The following CRYBA1 variants were observed in gnomAD, a reference collection of about 807,000 sequenced individuals.
The protein encoded by CRYBA1 is beta-crystallin A3.
CRYBA1 carries 25 observed loss-of-function variants against 36.2 expected under a neutral mutation model. The observed-to-expected ratio is 0.69, with a 90% CI of 0.50 to 0.97. The LOEUF (loss-of-function observed/expected upper bound fraction) is 0.97, where lower values mean the gene tolerates loss of function less well. CRYBA1 is among the 50% of genes least tolerant of loss of function. CRYBA1 has a pLI of 0.00. For synonymous variants in CRYBA1, 111 were observed against 90.0 expected (o/e 1.23, Z -1.32); for missense variants, 224 against 276.3 (o/e 0.81, Z 1.34).
chr17:29,249,125 T>A lies in CRYBA1; in HGVS notation c.32-17T>A. On this transcript the variant is annotated splice_polypyrimidine_tract_variant and intron_variant, in intron 1 of 5. Coordinates refer to ENST00000225387, the MANE Select transcript of CRYBA1 (RefSeq NM_005208.5). Reference sequence around the variant, plus strand: ...CTCCCAAGAGGCCACATCATTCGTGTGTGCTCTGTCTTCCAGAAACCCTTC... The same window carrying A: ...CTCCCAAGAGGCCACATCATTCGTGAGTGCTCTGTCTTCCAGAAACCCTTC... The A allele has an allele frequency of 6.3e-7, 1 of 1,587,042 alleles. No individual in the cohort carries two copies. The highest frequency in any genetic ancestry group is 8.7e-7 in the Non-Finnish European group (1 of 1,155,294).
chr17:29,248,064 C>G (rs959305835), intron 1 of CRYBA1, among the ~76,000 whole-genome samples: 6 of 150,874 alleles, frequency 4.0e-5, no homozygotes, highest in Non-Finnish European at 7.4e-5. Flanking sequence ...TGCGGTGAGC[C>G]GAGATTGCGC....
chr17:29,252,651 ATCT>A (rs921776984), intron 4 of CRYBA1, among the ~76,000 whole-genome samples: 5 of 152,132 alleles, frequency 3.3e-5, no homozygotes, highest in Admixed American at 1.3e-4. Context: ...ATTGATAATA[ATCT>A]TCTTGTTCTG....
Position 29,250,222 on chromosome 17 carries a change from TGGA to T in CRYBA1, c.139_141del (p.Glu47del). 1 of 1,612,442 alleles carries T rather than the reference TGGA, an allele frequency of 6.2e-7. No individual in the cohort carries two copies. Among genetic ancestry groups the T allele is most frequent in the Non-Finnish European group, 8.5e-7 (1 of 1,178,406 alleles). ...CAGGAGAACTTTCAGGGCAAGAGGA[TGGA>T]GTTCACCAGCTCCTGTCCAAATGTC... is the stretch of plus-strand genomic sequence containing the variant. On this transcript the variant is annotated inframe_deletion, in exon 3 of 6. Coordinates refer to ENST00000225387, the MANE Select transcript of CRYBA1 (RefSeq NM_005208.5).
Position 29,253,720 on chromosome 17 carries a change from C to G in CRYBA1, c.438C>G (p.Pro146=), listed in dbSNP as rs774272731. The change falls in exon 5 of 6, where the codon CCC becomes CCG. Residue 146 remains proline, a synonymous_variant. Transcript: ENST00000225387. ...AGTGGGAGATCTCTGACGACTACCCCTCCTTGCAAGCCATGGGCTGGTTCA... is the reference window on the plus strand; with the variant it reads ...AGTGGGAGATCTCTGACGACTACCCGTCCTTGCAAGCCATGGGCTGGTTCA... ...GRQWEISDDY[P]SLQAMGWFNN... 1 of 1,614,000 alleles carries G rather than the reference C, an allele frequency of 6.2e-7. No homozygotes were observed. Among genetic ancestry groups the G allele is most frequent in the East Asian group, 2.2e-5 (1 of 44,890 alleles).
At chr17:29,252,400 T>G (rs2068941480) in intron 4 of CRYBA1, among the ~76,000 whole-genome samples, 195 bp downstream of exon 4, 1 of 152,206 alleles carries the variant, frequency 6.6e-6, no homozygotes. Context: ...GTACTTCCCT[T>G]AAGCTAAAAC....
intron 1 of CRYBA1, among the ~76,000 whole-genome samples, chr17:29,248,252 GTGGTTGC>G (rs2068913372): frequency 6.6e-6 from 1 of 152,168 alleles, no homozygotes; most frequent in Admixed American, 6.5e-5. Context: ...TCTGGCCTAG[GTGGTTGC>G]CAAAGAGTTT....
chr17:29,247,257 C>A (rs992044756), intron 1 of CRYBA1, among the ~76,000 whole-genome samples: 1 of 152,194 alleles, frequency 6.6e-6, no homozygotes, highest in Non-Finnish European at 1.5e-5. Context: ...GGAGGAGGGC[C>A]ATGAATATCT....
rs778741843 is a variant in CRYBA1 at position 29,252,099 on chromosome 17, AAC to A, written c.253_254del (p.Gln85ValfsTer18). The A allele has an allele frequency of 1.9e-6, 3 of 1,614,200 alleles. No individual in the cohort carries two copies. Among genetic ancestry groups the A allele is most frequent in the South Asian group, 1.1e-5 (1 of 91,086 alleles). On this transcript the variant is annotated frameshift_variant, in exon 4 of 6. Transcript: ENST00000225387. LOFTEE classifies it high-confidence loss of function. ...TATGAGCATACCAGCTTCTGTGGGC[AAC>A]AGTTTATCCTGGAGAGAGGAGAATA...
intron 1 of CRYBA1, among the ~76,000 whole-genome samples, chr17:29,247,439 A>G (rs1457135731): frequency 6.6e-6 from 1 of 152,230 alleles, no homozygotes; most frequent in Non-Finnish European, 1.5e-5. Flanking sequence ...GGGGATAATG[A>G]TAATTCTTAA....
chr17:29,254,057 T>G, intron 5 of CRYBA1, 145 bp from the exon 6 acceptor site: 1 of 922,384 alleles, frequency 1.1e-6, no homozygotes, highest in Non-Finnish European at 1.7e-6. Flanking sequence ...TGCTTACAAA[T>G]AGTGCCTGAC....
chr17:29,253,855 CA>C, intron 5 of CRYBA1, 73 bp downstream of exon 5: 1 of 1,544,398 alleles, frequency 6.5e-7, no homozygotes, highest in Admixed American at 1.7e-5. Flanking sequence ...ATGTTTTAAT[CA>C]GATTTCATAC....
rs1221364245 is a variant in CRYBA1 at position 29,253,692 on chromosome 17, G to A, written c.410G>A (p.Arg137His). Reference sequence around the variant, plus strand: ...TTTGAGAAGGAAAACTTTATTGGACGCCAGTGGGAGATCTCTGACGACTAC... The same window carrying A: ...TTTGAGAAGGAAAACTTTATTGGACACCAGTGGGAGATCTCTGACGACTAC... ...TIFEKENFIG[R>H]QWEISDDYPS... The change falls in exon 5 of 6, where the codon CGC (arginine) becomes CAC (histidine). Residue 137 changes from arginine to histidine, a missense_variant. By Grantham distance (29) the Arg-to-His change is conservative. Transcript: ENST00000225387. 4.3e-6 allele frequency: 7 copies of A among 1,613,878 alleles called. No homozygotes were observed. The highest frequency in any genetic ancestry group is 2.2e-5 in the East Asian group (1 of 44,876).
In CRYBA1 at chr17:29,252,116, AGAG is replaced by A. The variant is rs1064797219; in HGVS notation, c.272_274del (p.Gly91del). The stretch of plus-strand genomic sequence containing the variant: ...CTGTGGGCAACAGTTTATCCTGGAG[AGAG>A]GAGAATACCCTCGCTGGGATGCCTG... On this transcript the variant is annotated inframe_deletion, in exon 4 of 6. Coordinates refer to ENST00000225387, the MANE Select transcript of CRYBA1 (RefSeq NM_005208.5). 2 of 1,614,120 alleles carry A rather than the reference AGAG, an allele frequency of 1.2e-6. No individual in the cohort carries two copies. The highest frequency in any genetic ancestry group is 1.7e-6 in the Non-Finnish European group (2 of 1,180,010).
intron 1 of CRYBA1, among the ~76,000 whole-genome samples, 200 bp downstream of exon 1, chr17:29,247,094 A>T (rs1388234064): frequency 1.3e-5 from 2 of 152,264 alleles, no homozygotes. Flanking sequence ...CTGCCCTAGC[A>T]ACTAAGGCTG....
At chr17:29,253,924 T>C in intron 5 of CRYBA1, 142 bp downstream of exon 5, 2 of 1,167,404 alleles carry the variant, frequency 1.7e-6, no homozygotes, top group Admixed American at 2.0e-5. Flanking sequence ...AATTTCTTTA[T>C]ACCAACTACC....
rs897968174 is a variant in CRYBA1, at chr17:29,250,235, C to T, written c.150C>T (p.Ser50=). 6.2e-7 allele frequency: 1 copy of T among 1,613,534 alleles called. No homozygotes were observed. The highest frequency in any genetic ancestry group is 8.5e-7 in the Non-Finnish European group (1 of 1,179,530). ...AGGGCAAGAGGATGGAGTTCACCAG[C>T]TCCTGTCCAAATGTCTCTGAGCGCA... ...NFQGKRMEFT[S]SCPNVSERSF... The change falls in exon 3 of 6, where the codon AGC becomes AGT. Residue 50 remains serine (S), a synonymous_variant. Coordinates refer to ENST00000225387, the MANE Select transcript of CRYBA1 (RefSeq NM_005208.5).
At position 29,250,291 on chromosome 17, in the gene CRYBA1, A is replaced by G. The variant is rs200042042; in HGVS notation, c.206A>G (p.Glu69Gly). 1 of 1,604,004 alleles carries G rather than the reference A, an allele frequency of 6.2e-7. No individual in the cohort carries two copies. The highest frequency in any genetic ancestry group is 2.2e-5 in the East Asian group (1 of 44,842). The change falls in exon 3 of 6, where the codon GAA becomes GGA. Residue 69 changes from glutamate to glycine, a missense_variant. Transcript: ENST00000225387. ...SFDNVRSLKV[E>G]SGAWIGYEHT... Reference sequence around the variant, plus strand: ...GATAATGTCCGGTCCCTGAAGGTGGAAAGTGGCGCGTGAGTATGGACTTCC... The same window carrying G: ...GATAATGTCCGGTCCCTGAAGGTGGGAAGTGGCGCGTGAGTATGGACTTCC...
chr17:29,253,931 T>C, intron 5 of CRYBA1, 149 bp downstream of exon 5: 1 of 1,150,316 alleles, frequency 8.7e-7, no homozygotes, highest in African/African-American at 1.5e-5. Flanking sequence ...TTATACCAAC[T>C]ACCACTTTAG....
intron 2 of CRYBA1, 107 bp downstream of exon 2, chr17:29,249,313 A>G: frequency 1.3e-6 from 1 of 772,162 alleles, no homozygotes; most frequent in Non-Finnish European, 2.3e-6. Context: ...GAAAAACCCC[A>G]GTTTGTAGGG....
Sources: gnomAD v4.1 joint callset for allele counts (sites outside exome capture counted in the v4.1 genomes callset) on GRCh38, gnomAD v4.1.1 for gene constraint, MANE v1.5 for transcripts, NCBI Gene and HGNC (gene_info 2026-07-23, HGNC 2026-07-21) for gene names.